NTM: variants seen among roughly 807,000 people sequenced by gnomAD.
NTM encodes neurotrimin.
In NTM, 13 loss-of-function variants were observed where a neutral mutation model predicts 42.1. The observed-to-expected ratio is 0.31, with a 90% CI of 0.20 to 0.49. The LOEUF is 0.49. Among genes scored for constraint, NTM ranks in the 20% least tolerant of loss-of-function variants. The probability of loss-of-function intolerance (pLI) is 0.99; values close to 1 mark genes in which losing one functional copy is unlikely to be tolerated. For synonymous variants in NTM, 187 were observed against 179.2 expected (o/e 1.04, Z -0.35); for missense variants, 373 against 452.8 (o/e 0.82, Z 1.60).
chr11:132,064,528 C>T (rs149286047), intron 2 of NTM, among the ~76,000 whole-genome samples: 118 of 152,286 alleles, frequency 7.7e-4, no homozygotes, highest in African/African-American at 2.8e-3. Context: ...TTCAAGGTGA[C>T]TGTCAGCAAT....
chr11:131,919,672 T>C (rs574667721), intron 2 of NTM, among the ~76,000 whole-genome samples: 137 of 152,292 alleles, frequency 9.0e-4, no homozygotes, highest in African/African-American at 3.0e-3. Context: ...CACAGTGTTG[T>C]TTTAGGTTAA....
intron 4 of NTM, among the ~76,000 whole-genome samples, chr11:132,298,433 TATC>T (rs1444077422): frequency 6.6e-6 from 1 of 152,224 alleles, no homozygotes; most frequent in Non-Finnish European, 1.5e-5. Flanking sequence ...CTGACTTTGA[TATC>T]ATCACGCGTA....
chr11:131,928,782 A>G (rs1341149790), intron 2 of NTM, among the ~76,000 whole-genome samples: 1 of 152,018 alleles, frequency 6.6e-6, no homozygotes, highest in African/African-American at 2.4e-5. Context: ...GTTTTGTCCC[A>G]CTGCAAACTC....
intron 1 of NTM, among the ~76,000 whole-genome samples, chr11:131,403,262 T>C (rs1355211220): frequency 6.6e-6 from 1 of 152,190 alleles, no homozygotes; most frequent in African/African-American, 2.4e-5. Flanking sequence ...TCCACCTCTG[T>C]GTCCCAAATG....
intron 1 of NTM, among the ~76,000 whole-genome samples, chr11:131,482,087 G>A (rs142070437): frequency 2.0e-5 from 3 of 152,324 alleles, no homozygotes; most frequent in East Asian, 3.9e-4. Flanking sequence ...TGGGCCAAGG[G>A]ACCCAAGGTT....
intron 2 of NTM, among the ~76,000 whole-genome samples, chr11:132,065,092 T>C (rs1447650834): frequency 1.3e-5 from 2 of 152,158 alleles, no homozygotes; most frequent in Non-Finnish European, 2.9e-5. Context: ...GGCATGTGAC[T>C]CTTGGGGAAA....
At chr11:131,926,176 G>T (rs146095016) in intron 2 of NTM, among the ~76,000 whole-genome samples, 1 of 152,056 alleles carries the variant, frequency 6.6e-6, no homozygotes, top group Non-Finnish European at 1.5e-5. Context: ...GGCATTCCTC[G>T]CTGACGATGT....
intron 2 of NTM, among the ~76,000 whole-genome samples, chr11:132,001,834 G>C (rs1039623782): frequency 2.0e-5 from 3 of 151,784 alleles, no homozygotes; most frequent in Admixed American, 1.3e-4. Flanking sequence ...AAAATGAGAT[G>C]ACAAAACCAT....
At chr11:131,881,733 G>T (rs2049562879) in intron 1 of NTM, among the ~76,000 whole-genome samples, 1 of 152,160 alleles carries the variant, frequency 6.6e-6, no homozygotes, top group African/African-American at 2.4e-5. Flanking sequence ...CCTACAATTT[G>T]TTTCTCTCCA....
intron 2 of NTM, among the ~76,000 whole-genome samples, chr11:132,088,410 G>A (rs1050835411): frequency 2.6e-5 from 4 of 152,246 alleles, no homozygotes; most frequent in Admixed American, 2.0e-4. Flanking sequence ...CCTTAGTTCA[G>A]CTGAATCCCG....
chr11:132,033,940 C>T (rs1339413327), intron 2 of NTM, among the ~76,000 whole-genome samples: 1 of 152,168 alleles, frequency 6.6e-6, no homozygotes, highest in Non-Finnish European at 1.5e-5. Context: ...TACAACCTGT[C>T]TACTTCATAG....
chr11:132,127,068 T>C (rs560918254), intron 2 of NTM, among the ~76,000 whole-genome samples: 41 of 152,300 alleles, frequency 2.7e-4, no homozygotes, highest in South Asian at 2.5e-3. Context: ...TTTGCTTTTC[T>C]GGTGCGTTCT....
intron 2 of NTM, among the ~76,000 whole-genome samples, chr11:131,989,070 A>G (rs1593449161): frequency 6.6e-6 from 1 of 152,308 alleles, no homozygotes; most frequent in East Asian, 1.9e-4. Context: ...GATACAATAG[A>G]ATTTATTGGT....
At chr11:131,704,344 C>T (rs1387401079) in intron 1 of NTM, among the ~76,000 whole-genome samples, 1 of 152,152 alleles carries the variant, frequency 6.6e-6, no homozygotes, top group East Asian at 1.9e-4. Context: ...TGGGCTGGCT[C>T]CTGTAGACCC....
At chr11:132,271,738 GTCT>G (rs2093489306) in intron 4 of NTM, among the ~76,000 whole-genome samples, 1 of 134,492 alleles carries the variant, frequency 7.4e-6, no homozygotes, top group Non-Finnish European at 1.6e-5. Flanking sequence ...TAATTGGGTT[GTCT>G]TTTTTTTTTT....
chr11:131,907,699 G>A (rs997366872), intron 1 of NTM, among the ~76,000 whole-genome samples: 3 of 152,090 alleles, frequency 2.0e-5, no homozygotes, highest in Non-Finnish European at 2.9e-5. Flanking sequence ...GGCTTTCAAG[G>A]AGGCAGAAAG....
At chr11:131,397,583 G>A (rs1003480980) in intron 1 of NTM, among the ~76,000 whole-genome samples, 5 of 152,200 alleles carry the variant, frequency 3.3e-5, no homozygotes, top group African/African-American at 1.2e-4. Context: ...CACCTTGAAT[G>A]AAATAAAGAC....
intron 1 of NTM, among the ~76,000 whole-genome samples, chr11:131,541,193 C>G (rs1438114312): frequency 6.6e-6 from 1 of 152,206 alleles, no homozygotes; most frequent in African/African-American, 2.4e-5. Flanking sequence ...TGCCTCGAAA[C>G]AAACACCTGA....
intron 4 of NTM, among the ~76,000 whole-genome samples, chr11:132,304,328 T>C (rs769556088): frequency 1.7e-4 from 26 of 152,030 alleles, no homozygotes; most frequent in Non-Finnish European, 5.9e-5. Context: ...TTTCTTTTCA[T>C]AGGGTTATAT....
Sources: allele counts gnomAD v4.1 joint callset (sites outside exome capture counted in the v4.1 genomes callset), GRCh38; gene constraint gnomAD v4.1.1; transcripts MANE v1.5; gene names NCBI Gene and HGNC (gene_info 2026-07-23, HGNC 2026-07-21).